Variants in CDH2 observed in about 807,000 individuals in gnomAD.
CDH2 encodes the protein cadherin 2.
A neutral mutation model predicts 92.0 loss-of-function variants in CDH2; 17 were observed. The ratio of observed to expected loss-of-function variants is 0.18; its 90% CI spans 0.13 to 0.28. The LOEUF is 0.28. Ranked by LOEUF, CDH2 falls within the 10% of genes least tolerant of loss-of-function variation. CDH2 has a pLI of 1.00. For missense variants in CDH2, 862 were observed against 1,133.1 expected, an observed-to-expected ratio of 0.76 and a Z score of 3.44; for synonymous variants, 419 against 415.9, an observed-to-expected ratio of 1.01 and a Z score of -0.09.
rs2016559008 is a variant in CDH2, at chr18:28,177,067, G to A, written c.-45C>T. ...GCGAAGAGCCGGAGGAGGCGGCGGC[G>A]GCGGCGGCGGCGGCGGAGGAGGAGG... is the stretch of plus-strand genomic sequence containing the variant. On this transcript the variant is annotated 5_prime_UTR_variant, in exon 1 of 16. Transcript: ENST00000269141. 4.4e-6 allele frequency: 6 copies of A among 1,353,566 alleles called. No homozygotes were observed. The highest frequency in any genetic ancestry group is 5.0e-4 in the Middle Eastern group (2 of 4,036). The allele number at this position is 1,353,566 out of a possible 1,614,324, so 83.8% of individuals were successfully genotyped here.
chr18:28,158,986 A>G (rs545564975), intron 1 of CDH2, among the ~76,000 whole-genome samples: 4 of 152,218 alleles, frequency 2.6e-5, no homozygotes, highest in Non-Finnish European at 4.4e-5. Context: ...TTAAATATAT[A>G]ATTTTTTCAG....
intron 1 of CDH2, among the ~76,000 whole-genome samples, chr18:28,166,862 G>A (rs535337335): frequency 1.3e-5 from 2 of 151,242 alleles, no homozygotes; most frequent in East Asian, 3.9e-4. Context: ...ATTATAAACA[G>A]AAAAGGCCTC....
intron 2 of CDH2, among the ~76,000 whole-genome samples, chr18:28,017,121 C>T (rs1305927996): frequency 2.0e-5 from 3 of 151,990 alleles, no homozygotes; most frequent in Non-Finnish European, 2.9e-5. Context: ...AGGGTGATAC[C>T]GGCTTCACAG....
intron 2 of CDH2, among the ~76,000 whole-genome samples, chr18:28,124,032 G>A (rs1403858561): frequency 6.6e-6 from 1 of 152,006 alleles, no homozygotes; most frequent in African/African-American, 2.4e-5. Flanking sequence ...TTTAAAAGAG[G>A]AATATTTTAT....
At chr18:28,133,781 T>G (rs2144299981) in intron 2 of CDH2, among the ~76,000 whole-genome samples, 1 of 152,174 alleles carries the variant, frequency 6.6e-6, no homozygotes, top group African/African-American at 2.4e-5. Context: ...TATTTGTGCC[T>G]AATCAACTGC....
At chr18:28,053,925 T>C (rs2014242528) in intron 2 of CDH2, among the ~76,000 whole-genome samples, 1 of 152,046 alleles carries the variant, frequency 6.6e-6, no homozygotes. Context: ...TCCTCTTGGG[T>C]TGGACTCTGC....
chr18:28,093,889 G>C (rs2015079702), intron 2 of CDH2, among the ~76,000 whole-genome samples: 1 of 152,138 alleles, frequency 6.6e-6, no homozygotes, highest in African/African-American at 2.4e-5. Flanking sequence ...TCAGCTCCCT[G>C]AGGCATGTTT....
chr18:28,177,097 A>AGCG lies in CDH2; in HGVS notation c.-78_-76dup. On this transcript the variant is annotated 5_prime_UTR_variant, in exon 1 of 16. Coordinates refer to ENST00000269141, the MANE Select transcript of CDH2 (RefSeq NM_001792.5). ...CGGCGGCGGCGGAGGAGGAGGAGGC[A>AGCG]GCGGCAGCACCAACAGCGGCGCGGA... 1 of 1,110,868 alleles carries AGCG rather than the reference A, an allele frequency of 9.0e-7. No homozygotes were observed. The highest frequency in any genetic ancestry group is 1.3e-6 in the Non-Finnish European group (1 of 798,204). The allele number at this position is 1,110,868 out of a possible 1,614,324, so 68.8% of individuals were successfully genotyped here.
chr18:27,958,376 A>T (rs955530437), intron 15 of CDH2, among the ~76,000 whole-genome samples: 1 of 151,982 alleles, frequency 6.6e-6, no homozygotes, highest in African/African-American at 2.4e-5. Flanking sequence ...CTTTTAACAG[A>T]ATTATTCACT....
At chr18:27,939,664 C>T (rs1319066348) in intron 6 of CDH2, among the ~76,000 whole-genome samples, 1 of 152,112 alleles carries the variant, frequency 6.6e-6, no homozygotes, top group Non-Finnish European at 1.5e-5. Flanking sequence ...CTAGTCATTC[C>T]CTAGACAAAG....
At chr18:27,957,081 T>A (rs1458389132) in intron 15 of CDH2, among the ~76,000 whole-genome samples, 5 of 151,864 alleles carry the variant, frequency 3.3e-5, no homozygotes, top group Non-Finnish European at 5.9e-5. Flanking sequence ...GTTTATTCAT[T>A]TTTTTTAGAA....
intron 2 of CDH2, among the ~76,000 whole-genome samples, chr18:28,107,732 T>C (rs1028804631): frequency 6.6e-6 from 1 of 151,908 alleles, no homozygotes; most frequent in Non-Finnish European, 1.5e-5. Flanking sequence ...AAAAATAGTA[T>C]GTTTTCCTTT....
intron 2 of CDH2, among the ~76,000 whole-genome samples, chr18:28,047,250 T>C (rs748270494): frequency 1.3e-5 from 2 of 152,158 alleles, no homozygotes; most frequent in Non-Finnish European, 2.9e-5. Flanking sequence ...AGAAATGAGA[T>C]ACTGATTAAA....
chr18:28,009,842 G>C lies in CDH2; in HGVS notation c.577C>G (p.Leu193Val). The change falls in exon 5 of 16, where the codon CTG becomes GTG. Residue 193 changes from leucine to valine, a missense_variant. Coordinates refer to ENST00000269141, the MANE Select transcript of CDH2 (RefSeq NM_001792.5). ...CCTGGCCCAGTTACACTGTACCGCA[G>C]TGAAAGGTTTTTATCTCTATCAGAC... ...IRSDRDKNLS[L>V]RYSVTGPGAD... is the part of the protein sequence containing the mutation. 6.2e-7 allele frequency: 1 copy of C among 1,613,240 alleles called. No individual in the cohort carries two copies. Among genetic ancestry groups the C allele is most frequent in the South Asian group, 1.1e-5 (1 of 90,874 alleles).
At chr18:27,944,011 A>C (rs1909205970) in intron 6 of CDH2, among the ~76,000 whole-genome samples, 1 of 152,178 alleles carries the variant, frequency 6.6e-6, no homozygotes, top group Admixed American at 6.5e-5. Context: ...ATGGAGATAA[A>C]ACAGGAGAAA....
rs201148355 is a variant in CDH2, at chr18:27,990,224, C to G, written c.1471G>C (p.Val491Leu). ...GGGGCAAAATAAGGGTTTTCATTTA[C>G]GTCAATAACTGTAACAGACACGGTT... ...TATVSVTVIDVNENPYFAPNP... is the reference protein window; with the variant it reads ...TATVSVTVIDLNENPYFAPNP... Residue 491 changes from valine (V) to leucine (L), a missense_variant, in exon 10 of 16, where the codon GTA becomes CTA. Coordinates refer to ENST00000269141, the MANE Select transcript of CDH2 (RefSeq NM_001792.5). 8.1e-6 allele frequency: 13 copies of G among 1,614,082 alleles called. No individual in the cohort carries two copies. The East Asian group carries it at 2.0e-4, about 25-fold the overall frequency.
chr18:28,015,339 G>A, intron 2 of CDH2, among the ~76,000 whole-genome samples: 1 of 152,064 alleles, frequency 6.6e-6, no homozygotes, highest in East Asian at 1.9e-4. Context: ...GAAAATAAAA[G>A]TATATCTCAA....
intron 1 of CDH2, among the ~76,000 whole-genome samples, chr18:28,158,050 C>G (rs2016249060): frequency 6.6e-6 from 1 of 152,142 alleles, no homozygotes; most frequent in Non-Finnish European, 1.5e-5. Flanking sequence ...TTCATAAAAC[C>G]TGGAGCATGG....
chr18:28,065,267 C>T (rs950831035), intron 2 of CDH2, among the ~76,000 whole-genome samples: 2 of 152,096 alleles, frequency 1.3e-5, no homozygotes, highest in Non-Finnish European at 2.9e-5. Flanking sequence ...AAGCCAAGAT[C>T]TAAGCTAGGG....
Sources: gnomAD v4.1 joint callset for allele counts (sites outside exome capture counted in the v4.1 genomes callset) on GRCh38, gnomAD v4.1.1 for gene constraint, MANE v1.5 for transcripts, NCBI Gene and HGNC (gene_info 2026-07-23, HGNC 2026-07-21) for gene names.